Variants in PRKN observed in about 807,000 individuals in gnomAD.
The protein encoded by PRKN is E3 ubiquitin-protein ligase parkin.
Under a neutral mutation model 59.5 loss-of-function variants are expected in PRKN, and 56 were observed. That is an observed-to-expected ratio of 0.94 (90% CI 0.76 to 1.18). The LOEUF (loss-of-function observed/expected upper bound fraction) is 1.18, where lower values mean the gene tolerates loss of function less well. Ranked by LOEUF, PRKN falls within the 50% of genes most tolerant of loss-of-function variation. PRKN has a pLI of 0.00. For missense variants in PRKN, 657 were observed against 596.4 expected, an observed-to-expected ratio of 1.10 and a Z score of -1.06; for synonymous variants, 250 against 222.1, an observed-to-expected ratio of 1.13 and a Z score of -1.12.
At chr6:162,657,452 T>A (rs183798693) in intron 1 of PRKN, among the ~76,000 whole-genome samples, 1 of 152,254 alleles carries the variant, frequency 6.6e-6, no homozygotes, top group African/African-American at 2.4e-5. Context: ...TCAATATGTG[T>A]TTTATTACAT....
At chr6:162,116,357 G>A (rs1222569514) in intron 4 of PRKN, among the ~76,000 whole-genome samples, 1 of 152,096 alleles carries the variant, frequency 6.6e-6, no homozygotes, top group Non-Finnish European at 1.5e-5. Context: ...CTGGCTTAGC[G>A]GCAGATTTGG....
chr6:161,347,622 T>TTTG lies in PRKN; in HGVS notation c.*2476_*2477insCAA, dbSNP rs1562383767. 1 of 145,750 alleles carries TTTG rather than the reference T, an allele frequency of 6.9e-6. No individual in the cohort carries two copies. The highest frequency in any genetic ancestry group is 6.8e-5 in the Admixed American group (1 of 14,786). The allele number at this position is 145,750 out of a possible 1,614,324, so 9.0% of individuals were successfully genotyped here. A position where few individuals can be genotyped will look rare whatever the true frequency, so the allele number is the denominator to read the frequency against. On this transcript the variant is annotated 3_prime_UTR_variant, in exon 12 of 12. Coordinates refer to ENST00000366898, the MANE Select transcript of PRKN (RefSeq NM_004562.3). Reference sequence around the variant, plus strand: ...ATGATCTTGCTTTTTTGTTTTTGTTTTTTTTTTTTTTTTGAGACAGAGTCT... The same window carrying TTTG: ...ATGATCTTGCTTTTTTGTTTTTGTTTTTGTTTTTTTTTTTTTGAGACAGAGTCT...
intron 4 of PRKN, among the ~76,000 whole-genome samples, chr6:162,134,690 A>C (rs1413671306): frequency 6.6e-6 from 1 of 152,198 alleles, no homozygotes; most frequent in Non-Finnish European, 1.5e-5. Flanking sequence ...AGCTACTCTG[A>C]GATCAAAGCC....
At chr6:162,453,243 G>A (rs541478339) in intron 1 of PRKN, among the ~76,000 whole-genome samples, 7 of 152,304 alleles carry the variant, frequency 4.6e-5, no homozygotes, top group South Asian at 4.1e-4. Context: ...CAACTGATGA[G>A]GACATCGCGC....
chr6:162,650,157 C>T (rs557421640), intron 1 of PRKN, among the ~76,000 whole-genome samples: 1 of 152,264 alleles, frequency 6.6e-6, no homozygotes, highest in South Asian at 2.1e-4. Context: ...GAAGTAGAAG[C>T]TGCCTTAAAA....
intron 2 of PRKN, among the ~76,000 whole-genome samples, chr6:162,289,279 C>G (rs1781324444): frequency 6.6e-6 from 1 of 152,064 alleles, no homozygotes; most frequent in Non-Finnish European, 1.5e-5. Context: ...ACTTTTTTTC[C>G]CCTTTTTCTA....
At chr6:161,850,243 C>T (rs947911292) in intron 6 of PRKN, among the ~76,000 whole-genome samples, 2 of 151,914 alleles carry the variant, frequency 1.3e-5, no homozygotes, top group African/African-American at 4.8e-5. Flanking sequence ...TGGAATGAGT[C>T]CTCCATATTT....
chr6:162,514,373 G>T, intron 1 of PRKN, among the ~76,000 whole-genome samples: 1 of 152,094 alleles, frequency 6.6e-6, no homozygotes, highest in Non-Finnish European at 1.5e-5. Flanking sequence ...TAGGGCAGTT[G>T]TGGGGAAAGG....
At chr6:162,043,624 C>T (rs1784146765) in intron 5 of PRKN, among the ~76,000 whole-genome samples, 2 of 152,210 alleles carry the variant, frequency 1.3e-5, no homozygotes, top group African/African-American at 2.4e-5. Context: ...TTGCTATTGA[C>T]TCAATTGTCC....
At chr6:161,426,989 G>A (rs1212835173) in intron 9 of PRKN, among the ~76,000 whole-genome samples, 2 of 152,030 alleles carry the variant, frequency 1.3e-5, no homozygotes, top group African/African-American at 2.4e-5. Context: ...AAAGTGCTGG[G>A]ATTACAGGCG....
At chr6:162,304,543 CTATTT>C (rs879514949) in intron 2 of PRKN, among the ~76,000 whole-genome samples, 3,150 of 115,524 alleles carry the variant, frequency 0.027, 234 homozygotes, top group African/African-American at 0.12. Context: ...ATCTATCTAT[CTATTT>C]ATCCATCTGT....
chr6:162,667,613 T>A (rs1016628075), intron 1 of PRKN, among the ~76,000 whole-genome samples: 31 of 152,228 alleles, frequency 2.0e-4, no homozygotes, highest in Non-Finnish European at 4.0e-4. Flanking sequence ...GTGTCCTATA[T>A]ATATATTTAA....
At chr6:162,569,725 G>A in intron 1 of PRKN, 2 of 553,688 alleles carry the variant, frequency 3.6e-6, no homozygotes, top group South Asian at 1.7e-5. Flanking sequence ...TCCTTCCTAA[G>A]TGAACAGCTG....
intron 7 of PRKN, among the ~76,000 whole-genome samples, chr6:161,675,702 T>C (rs995192122): frequency 6.6e-6 from 1 of 152,196 alleles, no homozygotes; most frequent in Non-Finnish European, 1.5e-5. Flanking sequence ...CCTAACCTAC[T>C]ATTCCACTTA....
At position 161,641,113 on chromosome 6, in the gene PRKN, T is replaced by C. The variant is rs117877036; in HGVS notation, c.872-71697A>G. Among the ~76,000 whole-genome samples the C allele has an allele frequency of 3.8e-3, 577 of 152,336 alleles. 16 individuals carry two copies. The East Asian group carries it at 0.061, about 16-fold the overall frequency. ...GGACAAACTGACTTTGGGAGAAACTTAGTTGATAAAATAACTTTGAAACAA... is the reference window on the plus strand; with the variant it reads ...GGACAAACTGACTTTGGGAGAAACTCAGTTGATAAAATAACTTTGAAACAA... On this transcript the variant is annotated intron_variant, in intron 7 of 11. Transcript: ENST00000366898.
intron 2 of PRKN, among the ~76,000 whole-genome samples, chr6:162,318,613 C>T (rs543973769): frequency 6.6e-6 from 1 of 152,064 alleles, no homozygotes; most frequent in African/African-American, 2.4e-5. Context: ...TTTTTACTTC[C>T]TTTTTTGTTG....
chr6:162,448,682 C>T (rs1348681803), intron 1 of PRKN, among the ~76,000 whole-genome samples: 2 of 152,122 alleles, frequency 1.3e-5, no homozygotes, highest in Non-Finnish European at 2.9e-5. Context: ...TCCCAGGAGT[C>T]TGAATCTGTG....
intron 5 of PRKN, among the ~76,000 whole-genome samples, chr6:162,007,527 T>G (rs1782302613): frequency 6.6e-6 from 1 of 152,150 alleles, no homozygotes; most frequent in Non-Finnish European, 1.5e-5. Context: ...GCAAGAGTTT[T>G]GCAGGGTCTC....
chr6:162,369,518 A>G (rs1464801977), intron 2 of PRKN, among the ~76,000 whole-genome samples: 1 of 152,226 alleles, frequency 6.6e-6, no homozygotes, highest in Non-Finnish European at 1.5e-5. Context: ...AATTGTACAC[A>G]TTCCACAAAA....
Sources: gnomAD v4.1 joint callset for allele counts (sites outside exome capture counted in the v4.1 genomes callset) on GRCh38, gnomAD v4.1.1 for gene constraint, MANE v1.5 for transcripts, NCBI Gene and HGNC (gene_info 2026-07-23, HGNC 2026-07-21) for gene names.